The following CAPS2 variants were observed in gnomAD, a reference collection of about 807,000 sequenced individuals.
CAPS2 encodes calcyphosin-2.
Under a neutral mutation model 86.5 loss-of-function variants are expected in CAPS2, and 98 were observed. The ratio of observed to expected loss-of-function variants is 1.13; its 90% CI spans 0.96 to 1.34. CAPS2 has a LOEUF of 1.34. CAPS2 is among the 40% of genes most tolerant of loss of function. CAPS2 has a pLI of 0.00. For missense variants in CAPS2, 729 were observed against 686.8 expected (o/e 1.06, Z -0.69); for synonymous variants, 210 against 225.1 (o/e 0.93, Z 0.60).
chr12:75,294,548 C>T (rs1046067861), intron 11 of CAPS2, among the ~76,000 whole-genome samples: 27 of 152,126 alleles, frequency 1.8e-4, no homozygotes, highest in African/African-American at 6.5e-4. Context: ...CTTTCTTAGG[C>T]ACCTTGCTCT....
chr12:75,370,179 T>C (rs781725841), intron 1 of CAPS2: 1 of 1,384,008 alleles, frequency 7.2e-7, no homozygotes, highest in Non-Finnish European at 1.0e-6. Flanking sequence ...TCTTTTAATG[T>C]CATTTATATA....
intron 1 of CAPS2, chr12:75,343,727 C>A (rs140518960): frequency 6.2e-7 from 1 of 1,611,648 alleles, no homozygotes; most frequent in Non-Finnish European, 8.5e-7. Context: ...ATGGCTAAAG[C>A]ATGGGCAAAC....
intron 1 of CAPS2, chr12:75,390,398 T>C (rs1372470848): frequency 6.6e-6 from 3 of 456,148 alleles, no homozygotes; most frequent in African/African-American, 4.0e-5. Flanking sequence ...AGAGAAGAAG[T>C]AGAAATGTTT....
chr12:75,332,026 A>T (rs530129810), upstream of CAPS2, among the ~76,000 whole-genome samples: 24 of 152,346 alleles, frequency 1.6e-4, no homozygotes, highest in Non-Finnish European at 2.8e-4. Context: ...AGTATTTCTG[A>T]ATATAGCTGT....
At chr12:75,357,176 T>A (rs2043209255) in intron 1 of CAPS2, among the ~76,000 whole-genome samples, 1 of 152,128 alleles carries the variant, frequency 6.6e-6, no homozygotes, top group Admixed American at 6.6e-5. Flanking sequence ...GGAAACAGTG[T>A]GAGACTCCAT....
intron 11 of CAPS2, among the ~76,000 whole-genome samples, chr12:75,293,967 C>T (rs949770682): frequency 1.3e-5 from 2 of 152,120 alleles, no homozygotes; most frequent in African/African-American, 4.8e-5. Flanking sequence ...GAGTCTCGCA[C>T]TGTCGCCCAG....
chr12:75,366,894 A>G (rs1308106453), intron 1 of CAPS2: 1 of 701,744 alleles, frequency 1.4e-6, no homozygotes, highest in Non-Finnish European at 2.6e-6. Context: ...GGTTCCCTGT[A>G]GGGCCACTGC....
At chr12:75,307,659 A>ACCC (rs1470911222) in intron 7 of CAPS2, among the ~76,000 whole-genome samples, 1 of 152,218 alleles carries the variant, frequency 6.6e-6, no homozygotes, top group East Asian at 1.9e-4. Flanking sequence ...TATCTCATGT[A>ACCC]CCCCAAAGCT....
rs762271961 is a variant in CAPS2 at position 75,312,901 on chromosome 12, T to C, written c.606A>G (p.Ala202=). The C allele has an allele frequency of 1.9e-6, 3 of 1,605,844 alleles. No individual in the cohort carries two copies. The African/African-American group carries it at 4.0e-5, about 21-fold the overall frequency. ...CTGCAACAATCTGTTTCTTCTTCTCTGCAGCCACAATTTCCTGGGAAGATT... is the reference window on the plus strand; with the variant it reads ...CTGCAACAATCTGTTTCTTCTTCTCCGCAGCCACAATTTCCTGGGAAGATT... Residue 202 remains alanine, a synonymous_variant, in exon 7 of 17, where the codon GCA becomes GCG. Transcript: ENST00000393284.
chr12:75,384,754 A>G (rs1477577726), intron 1 of CAPS2, among the ~76,000 whole-genome samples: 1 of 152,218 alleles, frequency 6.6e-6, no homozygotes, highest in East Asian at 1.9e-4. Context: ...AAATTCCCCA[A>G]CAAGATACTA....
intron 11 of CAPS2, among the ~76,000 whole-genome samples, chr12:75,293,777 G>A (rs1449060385): frequency 6.6e-6 from 1 of 152,108 alleles, no homozygotes; most frequent in Non-Finnish European, 1.5e-5. Context: ...GACAGATGTT[G>A]CCTAATTATA....
intron 1 of CAPS2, among the ~76,000 whole-genome samples, chr12:75,340,841 T>C (rs898614539): frequency 2.0e-4 from 30 of 151,898 alleles, no homozygotes; most frequent in Non-Finnish European, 2.8e-4. Context: ...TAAACATCAT[T>C]AGCCATTAGT....
At chr12:75,322,900 G>T in intron 4 of CAPS2, 2 of 815,240 alleles carry the variant, frequency 2.5e-6, no homozygotes, top group Non-Finnish European at 1.9e-6. Flanking sequence ...ATTTAAACTT[G>T]GCAAAACATA....
chr12:75,389,672 G>A (rs1044726096), intron 1 of CAPS2, among the ~76,000 whole-genome samples: 4 of 152,056 alleles, frequency 2.6e-5, no homozygotes, highest in Non-Finnish European at 5.9e-5. Context: ...CTCTCCTTAG[G>A]CACATTACAT....
chr12:75,344,876 C>A (rs1231329443), intron 1 of CAPS2, among the ~76,000 whole-genome samples: 1 of 152,094 alleles, frequency 6.6e-6, no homozygotes, highest in Non-Finnish European at 1.5e-5. Context: ...ACTACAGAGG[C>A]AAGATTCTTC....
intron 1 of CAPS2, chr12:75,367,007 TGAG>T (rs2044014565): frequency 1.4e-6 from 1 of 701,540 alleles, no homozygotes; most frequent in Non-Finnish European, 2.6e-6. Context: ...TCTTCAGAGC[TGAG>T]GAGGTAAGTC....
At chr12:75,385,404 C>T (rs2045238709) in intron 1 of CAPS2, among the ~76,000 whole-genome samples, 1 of 151,866 alleles carries the variant, frequency 6.6e-6, no homozygotes, top group East Asian at 1.9e-4. Flanking sequence ...CCAGTATGAA[C>T]TCATAATAAA....
At chr12:75,381,614 GT>G (rs34705874) in intron 1 of CAPS2, among the ~76,000 whole-genome samples, 4,636 of 87,896 alleles carry the variant, frequency 0.053, 36 homozygotes, top group African/African-American at 0.077. Flanking sequence ...TTTCTTAAGT[GT>G]TTTTTTTTTT....
chr12:75,321,618 G>A lies in CAPS2; in HGVS notation c.292-42C>T, dbSNP rs906988493. 3.9e-5 allele frequency: 54 copies of A among 1,392,864 alleles called. No individual in the cohort carries two copies. In the African/African-American group the frequency reaches 7.7e-4, roughly 20 times the overall value. The allele number at this position is 1,392,864 out of a possible 1,614,324, so 86.3% of individuals were successfully genotyped here. ...AAAAGCATGCTATCAGAAAAAAAAAGTATTAATTTTCCTTATTGGCATTAA... is the reference window on the plus strand; with the variant it reads ...AAAAGCATGCTATCAGAAAAAAAAAATATTAATTTTCCTTATTGGCATTAA... On this transcript the variant is annotated intron_variant, in intron 4 of 16. Transcript: ENST00000393284.
Sources: allele counts gnomAD v4.1 joint callset (sites outside exome capture counted in the v4.1 genomes callset), GRCh38; gene constraint gnomAD v4.1.1; transcripts MANE v1.5; gene names NCBI Gene and HGNC (gene_info 2026-07-23, HGNC 2026-07-21).